Variants in DRC4 observed in about 807,000 individuals in gnomAD.
The protein encoded by DRC4 is dynein regulatory complex subunit 4.
the DRC4 span, among the ~76,000 whole-genome samples, chr16:90,039,406 A>G: frequency 6.6e-6 from 1 of 151,500 alleles, no homozygotes. Context: ...TATTTTTGAG[A>G]TGGAGTTTCG....
the DRC4 span, among the ~76,000 whole-genome samples, chr16:90,039,449 G>A: frequency 4.7e-5 from 7 of 147,702 alleles, no homozygotes; most frequent in Admixed American, 3.5e-4. Flanking sequence ...ACAATGGCAC[G>A]ATCTCGGCTC....
the DRC4 span, among the ~76,000 whole-genome samples, chr16:90,038,830 C>T: frequency 6.6e-6 from 1 of 152,324 alleles, no homozygotes; most frequent in East Asian, 1.9e-4. Flanking sequence ...TGCCTCTGTT[C>T]AGTTTCAAAG....
chr16:90,029,291 A>T, the DRC4 span: 2 of 1,366,132 alleles, frequency 1.5e-6, no homozygotes, highest in African/African-American at 1.5e-5. Context: ...GCAGGTGGGG[A>T]GGGATGGGGG....
chr16:90,030,283 T>G, the DRC4 span, among the ~76,000 whole-genome samples: 33 of 152,322 alleles, frequency 2.2e-4, no homozygotes, highest in African/African-American at 4.8e-4. Flanking sequence ...ATATTTTTTT[T>G]GGGTTAATGT....
At chr16:90,019,988 G>T in the DRC4 span, 1 of 698,880 alleles carries the variant, frequency 1.4e-6, no homozygotes, top group South Asian at 1.5e-5. This position sits in a 1 kb window ranked among gnomAD's most constrained non-coding sequence, Gnocchi z 6.1. Flanking sequence ...GGCCCGGGCT[G>T]CAGAGAGCGC....
At chr16:90,042,237 GGACTGTTGC>G in the DRC4 span, 1 of 582,334 alleles carries the variant, frequency 1.7e-6, no homozygotes, top group South Asian at 1.5e-5. Flanking sequence ...TGCCTGGCCT[GGACTGTTGC>G]TGGAGAGGCA....
At chr16:90,027,789 G>C in the DRC4 span, 65 of 1,417,546 alleles carry the variant, frequency 4.6e-5, 1 homozygote, top group African/African-American at 8.2e-4. Context: ...GGGTGCCTAC[G>C]CCGAGTGTCC....
At chr16:90,022,742 C>A in the DRC4 span, 1 of 1,404,750 alleles carries the variant, frequency 7.1e-7, no homozygotes, top group Non-Finnish European at 9.3e-7. Context: ...GGGGCGGGAG[C>A]GGGGCTGGGG....
chr16:90,039,432 C>T, the DRC4 span, among the ~76,000 whole-genome samples: 1 of 151,986 alleles, frequency 6.6e-6, no homozygotes, highest in East Asian at 1.9e-4. Flanking sequence ...GTTGCCCAGG[C>T]TGGAGTACAA....
the DRC4 span, chr16:90,037,331 G>GA: frequency 1.2e-6 from 2 of 1,614,068 alleles, no homozygotes; most frequent in African/African-American, 1.3e-5. Flanking sequence ...TCTCCAGAAG[G>GA]CTCGGGAGGA....
the DRC4 span, among the ~76,000 whole-genome samples, chr16:90,021,856 CAAAA>C: frequency 8.4e-3 from 242 of 28,938 alleles, no homozygotes; most frequent in African/African-American, 0.03. Flanking sequence ...ACCCTGTCTC[CAAAA>C]AAAAAAAAAA....
At chr16:90,043,627 C>G in the DRC4 span, 4 of 583,448 alleles carry the variant, frequency 6.9e-6, no homozygotes, top group Non-Finnish European at 1.3e-5. Flanking sequence ...GCGGCACCTT[C>G]TCAGAGTGCC....
chr16:90,043,336 C>T, the DRC4 span: 2 of 1,593,882 alleles, frequency 1.3e-6, no homozygotes, highest in African/African-American at 1.5e-5. Flanking sequence ...TGGTGGGCAC[C>T]CCGACGTAGC....
the DRC4 span, among the ~76,000 whole-genome samples, chr16:90,023,591 G>GTTGCCAGCCTGGCAACACGTCTCTT: frequency 7.3e-5 from 11 of 151,472 alleles, no homozygotes; most frequent in Non-Finnish European, 8.9e-5. Context: ...AGCCTTCTTG[G>GTTGCCAGCCTGGCAACACGTCTCTT]AGTGGAGGGA....
the DRC4 span, chr16:90,035,877 C>T: frequency 6.8e-7 from 1 of 1,475,770 alleles, no homozygotes; most frequent in Non-Finnish European, 9.0e-7. Context: ...AACCTATTTC[C>T]ATGTGAGTTT....
chr16:90,029,189 T>TGGGGCACCCTACGGGGCAGGCTGC, the DRC4 span: 1 of 1,335,380 alleles, frequency 7.5e-7, no homozygotes, highest in Non-Finnish European at 9.9e-7. Context: ...GGGCAGGCTA[T>TGGGGCACCCTACGGGGCAGGCTGC]GGGGCAGCCT....
chr16:90,030,623 T>C, the DRC4 span, among the ~76,000 whole-genome samples: 1 of 151,520 alleles, frequency 6.6e-6, no homozygotes. Context: ...CCTGGCTGTT[T>C]GTGTATTTTT....
At chr16:90,043,337 C>T in the DRC4 span, 1 of 1,593,916 alleles carries the variant, frequency 6.3e-7, no homozygotes, top group Non-Finnish European at 8.5e-7. Context: ...GGTGGGCACC[C>T]CGACGTAGCT....
At chr16:90,036,792 A>G in the DRC4 span, 6 of 694,064 alleles carry the variant, frequency 8.6e-6, no homozygotes, top group Non-Finnish European at 1.6e-5. Context: ...AGCAGTCAGG[A>G]TATTGCCCTC....
Sources: allele counts gnomAD v4.1 joint callset (sites outside exome capture counted in the v4.1 genomes callset), GRCh38; gene constraint gnomAD v4.1.1; non-coding constraint Gnocchi (gnomAD v3.1); transcripts MANE v1.5; gene names NCBI Gene and HGNC (gene_info 2026-07-23, HGNC 2026-07-21).